Variants in OPHN1 observed in about 807,000 individuals in gnomAD.
OPHN1 encodes oligophrenin 1, also known as oligophrenin-1.
A neutral mutation model predicts 60.7 loss-of-function variants in OPHN1; 11 were observed. The observed-to-expected ratio is 0.18, with a 90% CI of 0.11 to 0.30. The LOEUF is 0.30. OPHN1 is among the 10% of genes least tolerant of loss of function. The pLI is 1.00. For missense variants in OPHN1, 449 were observed against 611.0 expected, an observed-to-expected ratio of 0.73 and a Z score of 2.80; for synonymous variants, 226 against 222.6, an observed-to-expected ratio of 1.02 and a Z score of -0.14.
intron 2 of OPHN1, among the ~76,000 whole-genome samples, chrX:68,327,979 G>A (rs1404578391): frequency 3.0e-5 from 3 of 101,151 alleles, no homozygotes; most frequent in Non-Finnish European, 5.9e-5. Context: ...ACAGGCGCCC[G>A]CCACCGCGCC....
At chrX:68,416,053 TATATATATATATATAGAGAGAGAGAG>T (rs1306696269) in intron 2 of OPHN1, among the ~76,000 whole-genome samples, 19 of 11,098 alleles carry the variant, frequency 1.7e-3, no homozygotes, top group South Asian at 9.9e-3. Flanking sequence ...TATATATATA[TATATATATATATATAGAGAGAGAGAG>T]AGAGAGAGAG....
intron 5 of OPHN1, among the ~76,000 whole-genome samples, chrX:68,256,377 G>A (rs1473020959): frequency 9.0e-6 from 1 of 111,443 alleles, no homozygotes; most frequent in Non-Finnish European, 1.9e-5. Context: ...CGACTTTACA[G>A]GCTGCGCATT....
chrX:68,210,072 G>A (rs1414567792), intron 9 of OPHN1, 81 bp downstream of exon 9: 3 of 1,080,305 alleles, frequency 2.8e-6, no homozygotes, highest in Non-Finnish European at 3.8e-6. Context: ...AACAGTAAGG[G>A]TGCCCAAAAT....
intron 6 of OPHN1, among the ~76,000 whole-genome samples, chrX:68,218,521 A>G (rs377660693): frequency 3.6e-5 from 4 of 110,042 alleles, no homozygotes; most frequent in East Asian, 5.8e-4. Flanking sequence ...GTTAAGGGCA[A>G]CCAGAGAGAA....
At position 68,043,687 on chromosome X, in the gene OPHN1, T is replaced by G. The variant is rs1319447337; in HGVS notation, c.*3485A>C. The G allele has an allele frequency of 1.8e-5, 2 of 112,256 alleles. No individual in the cohort carries two copies. The highest frequency in any genetic ancestry group is 3.8e-5 in the Non-Finnish European group (2 of 53,280). 9.3% of individuals were successfully genotyped at this position (112,256 alleles called of 1,213,427 possible). ...ACTATAATTGAAATTAGATGCTAAG[T>G]TTTGTCCCTCAGTGGCTGAACACCC... On this transcript the variant is annotated 3_prime_UTR_variant, in exon 25 of 25. Transcript: ENST00000355520.
At chrX:68,193,121 G>GT in intron 14 of OPHN1, 128 bp from the exon 15 acceptor site, 1 of 536,554 alleles carries the variant, frequency 1.9e-6, no homozygotes, top group Non-Finnish European at 3.4e-6. Context: ...AGCCTTCCCT[G>GT]TAACAGGGGA....
chrX:68,270,478 T>C (rs1194559770), intron 5 of OPHN1, among the ~76,000 whole-genome samples: 1 of 106,291 alleles, frequency 9.4e-6, no homozygotes, highest in Non-Finnish European at 1.9e-5. Context: ...TCTCAGCAAA[T>C]TATCACAAGG....
intron 18 of OPHN1, among the ~76,000 whole-genome samples, chrX:68,105,207 T>G (rs1040955051): frequency 2.7e-5 from 3 of 110,903 alleles, no homozygotes; most frequent in African/African-American, 9.8e-5. Context: ...ACTCTGTCGG[T>G]GGGAGCATAA....
intron 6 of OPHN1, among the ~76,000 whole-genome samples, chrX:68,221,031 C>T (rs2077654050): frequency 1.9e-5 from 2 of 104,293 alleles, no homozygotes; most frequent in African/African-American, 3.4e-5. Flanking sequence ...ATCTAGAAAA[C>T]CCCACTGTTT....
At chrX:68,270,456 G>A (rs937181653) in intron 5 of OPHN1, among the ~76,000 whole-genome samples, 1 of 108,898 alleles carries the variant, frequency 9.2e-6, no homozygotes, top group Admixed American at 9.8e-5. Context: ...GGATGAAGCT[G>A]GAAACCATTA....
chrX:68,099,722 C>G (rs1262882890), intron 18 of OPHN1, among the ~76,000 whole-genome samples: 1 of 112,436 alleles, frequency 8.9e-6, no homozygotes, highest in Non-Finnish European at 1.9e-5. Flanking sequence ...GCATGCAGAT[C>G]CAGTGTGCTA....
intron 15 of OPHN1, among the ~76,000 whole-genome samples, chrX:68,125,174 A>T (rs1008687203): frequency 9.0e-6 from 1 of 111,456 alleles, no homozygotes; most frequent in Admixed American, 9.6e-5. Context: ...ATATACTAAA[A>T]CGTATGGGAT....
intron 5 of OPHN1, among the ~76,000 whole-genome samples, chrX:68,238,409 T>C (rs5965525): frequency 0.059 from 6,040 of 101,901 alleles, 425 homozygotes; most frequent in African/African-American, 0.2. Flanking sequence ...TTCTTTTGTC[T>C]TTTTTTTTTT....
intron 3 of OPHN1, among the ~76,000 whole-genome samples, chrX:68,290,172 A>C (rs56928758): frequency 9.0e-6 from 1 of 111,708 alleles, no homozygotes; most frequent in East Asian, 2.8e-4. Flanking sequence ...TTAAAGACCT[A>C]CTTAAAGCTG....
At chrX:68,402,402 GAGA>G (rs2147768513) in intron 2 of OPHN1, among the ~76,000 whole-genome samples, 1 of 106,123 alleles carries the variant, frequency 9.4e-6, no homozygotes. Flanking sequence ...GAGAAGAGAA[GAGA>G]AGGAAGAGAA....
rs773626229 is a variant in OPHN1, at chrX:68,203,169, C to T, written c.934-1459G>A. Among the ~76,000 whole-genome samples, 79 of 111,461 alleles carry T rather than the reference C, an allele frequency of 7.1e-4. 1 individual carries two copies. Among genetic ancestry groups the T allele is most frequent in the African/African-American group, 2.4e-3 (74 of 30,677 alleles). On this transcript the variant is annotated intron_variant, in intron 10 of 24. Coordinates refer to ENST00000355520, the MANE Select transcript of OPHN1 (RefSeq NM_002547.3). ...ACTTGGGAGGCTGAGGCAGGAGAAT[C>T]GCTTGAAACCGGGAGGCAGAGGCTG...
intron 19 of OPHN1, 55 bp from the exon 20 acceptor site, chrX:68,073,354 C>T: frequency 9.4e-7 from 1 of 1,060,060 alleles, no homozygotes; most frequent in Non-Finnish European, 1.3e-6. Flanking sequence ...TTTTTGTCTT[C>T]TGAATGCTAC....
intron 19 of OPHN1, among the ~76,000 whole-genome samples, chrX:68,085,049 G>A (rs2076990194): frequency 8.9e-6 from 1 of 112,447 alleles, no homozygotes; most frequent in Non-Finnish European, 1.9e-5. Context: ...AATTGCTGTA[G>A]TAAGAAGAAT....
intron 9 of OPHN1, 84 bp from the exon 10 acceptor site, chrX:68,206,757 C>T: frequency 1.4e-6 from 1 of 733,929 alleles, no homozygotes; most frequent in African/African-American, 2.1e-5. Context: ...GCTATTTACA[C>T]ATTGCTCTTC....
Sources: allele counts gnomAD v4.1 joint callset (sites outside exome capture counted in the v4.1 genomes callset), GRCh38; gene constraint gnomAD v4.1.1; transcripts MANE v1.5; gene names NCBI Gene and HGNC (gene_info 2026-07-23, HGNC 2026-07-21).